NSUN6: variants seen among roughly 807,000 people sequenced by gnomAD.
NSUN6 encodes the protein NOP2/Sun RNA methyltransferase 6.
A neutral mutation model predicts 58.0 loss-of-function variants in NSUN6; 64 were observed. The observed-to-expected ratio is 1.10, with a 90% CI of 0.90 to 1.36. The LOEUF is 1.36. Among genes scored for constraint, NSUN6 ranks in the 40% most tolerant of loss-of-function variants. NSUN6 has a pLI of 0.00. For synonymous variants in NSUN6, 231 were observed against 193.9 expected (o/e 1.19, Z -1.59); for missense variants, 701 against 550.1 (o/e 1.27, Z -2.74).
Position 18,634,360 on chromosome 10 carries a change from T to C in NSUN6, c.311+8116A>G, listed in dbSNP as rs2131508473. 2.0e-5 allele frequency among the ~76,000 whole-genome samples: 3 copies of C among 152,234 alleles called. No homozygotes were observed. The South Asian group carries it at 6.2e-4, about 32-fold the overall frequency. ...GACTAGACAGTATTTTGAATCCCCA[T>C]TTTAGAGACAAGAAAAGCAAAGCAC... is the stretch of plus-strand genomic sequence containing the variant. On this transcript the variant is annotated intron_variant, in intron 3 of 10. Transcript: ENST00000377304.
At chr10:18,606,820 A>T (rs1371942348) in intron 6 of NSUN6, among the ~76,000 whole-genome samples, 1 of 152,234 alleles carries the variant, frequency 6.6e-6, no homozygotes, top group East Asian at 1.9e-4. Flanking sequence ...AAGTTTTTCA[A>T]GTGATTTGAT....
chr10:18,549,686 T>C (rs777488130), intron 9 of NSUN6, among the ~76,000 whole-genome samples: 1 of 152,136 alleles, frequency 6.6e-6, no homozygotes, highest in Non-Finnish European at 1.5e-5. Context: ...GGAGATAAGG[T>C]ATTGTGCTAA....
intron 7 of NSUN6, among the ~76,000 whole-genome samples, chr10:18,593,334 T>C (rs2057450160): frequency 6.6e-6 from 1 of 152,194 alleles, no homozygotes; most frequent in Non-Finnish European, 1.5e-5. Context: ...AAATACCATT[T>C]GACCCAGCAA....
chr10:18,647,690 C>T (rs896578651), intron 2 of NSUN6, among the ~76,000 whole-genome samples: 7 of 148,680 alleles, frequency 4.7e-5, no homozygotes, highest in African/African-American at 1.5e-4. Context: ...ATCTTAATTT[C>T]CTGGTTTTAT....
intron 8 of NSUN6, among the ~76,000 whole-genome samples, chr10:18,585,266 C>T (rs574304882): frequency 2.8e-4 from 43 of 152,176 alleles, no homozygotes; most frequent in Admixed American, 2.6e-3. Flanking sequence ...GGAGGTTCTT[C>T]AAAAGTAAAT....
At chr10:18,628,975 AAGGAAAAAATGTTC>A (rs2058929378) in intron 3 of NSUN6, among the ~76,000 whole-genome samples, 1 of 152,194 alleles carries the variant, frequency 6.6e-6, no homozygotes, top group South Asian at 2.1e-4. Context: ...AGTTGAAATG[AAGGAAAAAATGTTC>A]AGGGCAGCCA....
chr10:18,572,477 TTCCCCATTCCATTCCAC>T (rs1468499095), intron 8 of NSUN6, among the ~76,000 whole-genome samples: 26 of 150,406 alleles, frequency 1.7e-4, no homozygotes, highest in Admixed American at 1.5e-3. Flanking sequence ...CCCAATTAAA[TTCCCCATTCCATTCCAC>T]TCCCCATTCC....
intron 5 of NSUN6, 51 bp from the exon 6 acceptor site, chr10:18,609,977 C>T (rs1343108277): frequency 9.3e-7 from 1 of 1,076,870 alleles, no homozygotes; most frequent in Non-Finnish European, 1.4e-6. Context: ...ATGGTCTATA[C>T]AAACTATGTT....
At chr10:18,652,099 A>G, upstream of NSUN6, 1 of 985,322 alleles carries the variant, frequency 1.0e-6, no homozygotes, top group Non-Finnish European at 1.2e-6. Flanking sequence ...GTCTGTTAAT[A>G]TCCAATGCTC....
rs565464526 is a variant in NSUN6, at chr10:18,627,715, C to T, written c.312-11422G>A. 6.6e-5 allele frequency among the ~76,000 whole-genome samples: 10 copies of T among 152,380 alleles called. No homozygotes were observed. In the East Asian group the frequency reaches 1.7e-3, roughly 26 times the overall value. ...CGCGCTTTTCCGATTGGCTTAAAAA[C>T]CGGAGCACCAGGAGACTATATCCCG... On this transcript the variant is annotated intron_variant, in intron 3 of 10. Coordinates refer to ENST00000377304, the MANE Select transcript of NSUN6 (RefSeq NM_182543.5).
At chr10:18,618,933 C>T (rs774781715) in intron 3 of NSUN6, among the ~76,000 whole-genome samples, 1 of 151,000 alleles carries the variant, frequency 6.6e-6, no homozygotes, top group African/African-American at 2.4e-5. Context: ...TTATGTTTTA[C>T]TCTTTCATTT....
At chr10:18,555,618 T>A (rs573043727) in intron 8 of NSUN6, among the ~76,000 whole-genome samples, 11 of 144,838 alleles carry the variant, frequency 7.6e-5, no homozygotes, top group Admixed American at 5.6e-4. Context: ...GAATAGAGAA[T>A]GGAATGGAAT....
rs887019989 is a variant in NSUN6 at position 18,651,390 on chromosome 10, G to T, written c.-187C>A. On this transcript the variant is annotated 5_prime_UTR_variant, in exon 1 of 11. Coordinates refer to ENST00000377304, the MANE Select transcript of NSUN6 (RefSeq NM_182543.5). ...TTTCTCAAGCCTAGCCGATTAGAAG[G>T]GGCTGCCGGGCTTCCACCACACCTC... 33 of 1,293,348 alleles carry T rather than the reference G, an allele frequency of 2.6e-5. No homozygotes were observed. The Admixed American group carries it at 5.7e-4, about 22-fold the overall frequency. The allele number at this position is 1,293,348 out of a possible 1,614,324, so 80.1% of individuals were successfully genotyped here.
At chr10:18,577,948 G>C (rs1285579480) in intron 8 of NSUN6, among the ~76,000 whole-genome samples, 3 of 152,224 alleles carry the variant, frequency 2.0e-5, no homozygotes, top group South Asian at 4.1e-4. Flanking sequence ...ACGCGTAAGG[G>C]ATAAGAACCC....
At chr10:18,610,730 C>T (rs142664846) in intron 5 of NSUN6, among the ~76,000 whole-genome samples, 1,978 of 152,280 alleles carry the variant, frequency 0.013, 20 homozygotes, top group Non-Finnish European at 0.022. Context: ...GAGATGTTGT[C>T]AGAGGCTACT....
rs755003338 is a variant in NSUN6 at position 18,551,962 on chromosome 10, G to A, written c.932C>T (p.Pro311Leu). 1 of 1,600,952 alleles carries A rather than the reference G, an allele frequency of 6.2e-7. No homozygotes were observed. Among genetic ancestry groups the A allele is most frequent in the Admixed American group, 1.7e-5 (1 of 59,694 alleles). The part of the protein sequence containing the change: ...DMVEDTEGEP[P>L]FLPESFDRIL... ...TCGGTCAAAGGATTCTGGTAGAAATGGAGGTTCTCCTATAAAGAGAATTAT... is the reference window on the plus strand; with the variant it reads ...TCGGTCAAAGGATTCTGGTAGAAATAGAGGTTCTCCTATAAAGAGAATTAT... The change falls in exon 9 of 11, where the codon CCA becomes CTA. Residue 311 changes from proline to leucine, a missense_variant. Pro to Leu is a moderately conservative substitution (Grantham distance 98). Coordinates refer to ENST00000377304, the MANE Select transcript of NSUN6 (RefSeq NM_182543.5).
chr10:18,562,114 G>A (rs1455030191), intron 8 of NSUN6, among the ~76,000 whole-genome samples: 1 of 149,934 alleles, frequency 6.7e-6, no homozygotes, highest in African/African-American at 2.5e-5. Flanking sequence ...GGAAAGTGGA[G>A]CACTGAATGG....
intron 3 of NSUN6, among the ~76,000 whole-genome samples, chr10:18,617,685 A>T (rs1329376390): frequency 9.2e-5 from 14 of 152,098 alleles, no homozygotes. Context: ...TAACCAAACT[A>T]GATGCCTCAG....
chr10:18,560,026 T>C (rs1589852960), intron 8 of NSUN6, among the ~76,000 whole-genome samples: 2 of 146,040 alleles, frequency 1.4e-5, no homozygotes, highest in African/African-American at 2.6e-5. Flanking sequence ...TGGAATGGAA[T>C]GGAGATTGAG....
Sources: allele counts gnomAD v4.1 joint callset (sites outside exome capture counted in the v4.1 genomes callset), GRCh38; gene constraint gnomAD v4.1.1; transcripts MANE v1.5; gene names NCBI Gene and HGNC (gene_info 2026-07-23, HGNC 2026-07-21).